SPINK6: variants seen among roughly 807,000 people sequenced by gnomAD.
SPINK6 encodes the protein serine protease inhibitor Kazal-type 6.
SPINK6 carries 13 observed loss-of-function variants against 11.7 expected under a neutral mutation model. The ratio of observed to expected loss-of-function variants is 1.11; its 90% CI spans 0.72 to 1.76. The LOEUF is 1.76. Among genes scored for constraint, SPINK6 ranks in the 40% most tolerant of loss-of-function variants. The probability of loss-of-function intolerance (pLI) is 0.00; values close to 1 mark genes in which losing one functional copy is unlikely to be tolerated. For missense variants in SPINK6, 98 were observed against 93.7 expected (o/e 1.05, Z -0.19); for synonymous variants, 21 against 31.9 (o/e 0.66, Z 1.15).
At chr5:148,212,603 A>G (rs1755620526) in intron 2 of SPINK6, among the ~76,000 whole-genome samples, 1 of 104,302 alleles carries the variant, frequency 9.6e-6, no homozygotes, top group Non-Finnish European at 1.7e-5. Context: ...TATATAATAT[A>G]TAATATATAT....
chr5:148,212,480 T>TTATATATA (rs201941959), intron 2 of SPINK6, among the ~76,000 whole-genome samples: 65 of 97,002 alleles, frequency 6.7e-4, no homozygotes, highest in African/African-American at 2.2e-3. Flanking sequence ...TACATATTTT[T>TTATATATA]TATATATATA....
At chr5:148,205,905 CA>C (rs1011926024) in intron 1 of SPINK6, 130 bp from the exon 2 acceptor site, 118 of 919,470 alleles carry the variant, frequency 1.3e-4, no homozygotes, top group African/African-American at 3.9e-4. Context: ...CAAAAACAAA[CA>C]AAAAAAATAC....
chr5:148,204,668 C>T (rs1755474716), intron 1 of SPINK6, among the ~76,000 whole-genome samples: 1 of 151,846 alleles, frequency 6.6e-6, no homozygotes, highest in South Asian at 2.1e-4. Context: ...GAGAAAAAGG[C>T]ATGTACAATG....
intron 2 of SPINK6, among the ~76,000 whole-genome samples, chr5:148,210,128 T>G (rs62388553): frequency 0.96 from 135,714 of 141,940 alleles, 64,920 homozygotes; most frequent in African/African-American, 0.97. Flanking sequence ...ATGTTTACAT[T>G]TATTTCTGCA....
chr5:148,211,209 G>T (rs753956182), intron 2 of SPINK6, among the ~76,000 whole-genome samples: 67 of 152,054 alleles, frequency 4.4e-4, no homozygotes, highest in Non-Finnish European at 7.8e-4. Flanking sequence ...AGTTTAGAAG[G>T]CTCTCTAAAA....
intron 2 of SPINK6, among the ~76,000 whole-genome samples, chr5:148,210,668 A>C (rs1202375091): frequency 6.6e-6 from 1 of 152,064 alleles, no homozygotes; most frequent in East Asian, 1.9e-4. Context: ...TAAAAAAGAA[A>C]AGACAGCAAG....
intron 3 of SPINK6, among the ~76,000 whole-genome samples, chr5:148,214,413 C>A (rs1662889011): frequency 6.6e-6 from 1 of 152,056 alleles, no homozygotes; most frequent in Non-Finnish European, 1.5e-5. Context: ...TTATATATAA[C>A]ACATCTGACT....
At chr5:148,213,574 C>T (rs1581144249) in intron 2 of SPINK6, among the ~76,000 whole-genome samples, 1 of 151,916 alleles carries the variant, frequency 6.6e-6, no homozygotes, top group Admixed American at 6.6e-5. Context: ...GTTTCATGAC[C>T]GAAAACCACT....
Position 148,215,034 on chromosome 5 carries a change from C to T in SPINK6, c.*84C>T. ...TGCTTATACTTTTGCTGGTGGATTC[C>T]TTTAATTCATAAAGACATACCTACT... On this transcript the variant is annotated 3_prime_UTR_variant, in exon 4 of 4. Transcript: ENST00000325630. 1 of 1,358,638 alleles carries T rather than the reference C, an allele frequency of 7.4e-7. No individual in the cohort carries two copies. The highest frequency in any genetic ancestry group is 1.0e-6 in the Non-Finnish European group (1 of 953,302). 84.2% of individuals were successfully genotyped at this position (1,358,638 alleles called of 1,614,324 possible). A position where few individuals can be genotyped will look rare whatever the true frequency, so the allele number is the denominator to read the frequency against.
rs1443501373 is a variant in SPINK6, at chr5:148,212,480, T to TA, written c.82-1430_82-1429insA. ...ACTCTATCTCTAAAATACATATTTTTTATATATATATATATATAAAGTATA... is the reference window on the plus strand; with the variant it reads ...ACTCTATCTCTAAAATACATATTTTTATATATATATATATATATAAAGTATA... On this transcript the variant is annotated intron_variant, in intron 2 of 3. Coordinates refer to ENST00000325630, the MANE Select transcript of SPINK6 (RefSeq NM_205841.4). Among the ~76,000 whole-genome samples, 271 of 97,000 alleles carry TA rather than the reference T, an allele frequency of 2.8e-3. 1 individual carries two copies. The highest frequency in any genetic ancestry group is 3.8e-3 in the Non-Finnish European group (191 of 50,708). 63.6% of individuals were successfully genotyped at this position (97,000 alleles called of 152,430 possible). A position where few individuals can be genotyped will look rare whatever the true frequency, so the allele number is the denominator to read the frequency against.
intron 1 of SPINK6, among the ~76,000 whole-genome samples, chr5:148,205,279 G>C (rs545784584): frequency 6.6e-6 from 1 of 152,190 alleles, no homozygotes; most frequent in East Asian, 1.9e-4. Flanking sequence ...AGTCCCATAG[G>C]AATGGCCACA....
intron 2 of SPINK6, among the ~76,000 whole-genome samples, chr5:148,213,125 G>T (rs1470607774): frequency 6.6e-6 from 1 of 151,724 alleles, no homozygotes; most frequent in Non-Finnish European, 1.5e-5. Flanking sequence ...CTTATGGATG[G>T]ATATTGCATC....
At chr5:148,212,600 TA>T (rs1755620387) in intron 2 of SPINK6, among the ~76,000 whole-genome samples, 1 of 105,322 alleles carries the variant, frequency 9.5e-6, no homozygotes, top group African/African-American at 4.1e-5. Flanking sequence ...TTTTATATAA[TA>T]TATAATATAT....
intron 2 of SPINK6, among the ~76,000 whole-genome samples, chr5:148,210,077 T>G (rs988416805): frequency 8.4e-6 from 1 of 119,124 alleles, no homozygotes; most frequent in Non-Finnish European, 2.0e-5. Context: ...TGTATGCATA[T>G]ATGTATGCAT....
chr5:148,214,102 A>AT, intron 3 of SPINK6, 77 bp downstream of exon 3: 3 of 887,084 alleles, frequency 3.4e-6, no homozygotes, highest in Admixed American at 2.5e-5. Context: ...TTTTCGAGGT[A>AT]TTATAGAAAA....
At chr5:148,214,162 A>T (rs1755652635) in intron 3 of SPINK6, 137 bp downstream of exon 3, 1 of 516,122 alleles carries the variant, frequency 1.9e-6, no homozygotes, top group South Asian at 3.3e-5. Flanking sequence ...AGGCAATTTG[A>T]TTGAAAACAG....
chr5:148,210,587 A>C (rs551504804), intron 2 of SPINK6, among the ~76,000 whole-genome samples: 6 of 152,050 alleles, frequency 3.9e-5, no homozygotes, highest in Non-Finnish European at 1.5e-5. Context: ...ATGGGAAATT[A>C]TATGTCATTA....
At chr5:148,202,980 C>A, upstream of SPINK6, 1 of 660,888 alleles carries the variant, frequency 1.5e-6, no homozygotes, top group Non-Finnish European at 2.5e-6. Context: ...CCATTAAATG[C>A]ATAAACTGCA....
intron 2 of SPINK6, among the ~76,000 whole-genome samples, 200 bp from the exon 3 acceptor site, chr5:148,213,710 T>C (rs575557113): frequency 1.7e-4 from 26 of 152,278 alleles, no homozygotes; most frequent in African/African-American, 6.3e-4. Context: ...TCAAAGAAAA[T>C]GTCTCAAGTA....
Sources: gnomAD v4.1 joint callset for allele counts (sites outside exome capture counted in the v4.1 genomes callset) on GRCh38, gnomAD v4.1.1 for gene constraint, MANE v1.5 for transcripts, NCBI Gene and HGNC (gene_info 2026-07-23, HGNC 2026-07-21) for gene names.